LDAH: variants seen among roughly 807,000 people sequenced by gnomAD.
LDAH encodes the protein lipid droplet-associated hydrolase.
Under a neutral mutation model 29.6 loss-of-function variants are expected in LDAH, and 26 were observed. The ratio of observed to expected loss-of-function variants is 0.88; its 90% CI spans 0.64 to 1.22. LDAH has a LOEUF of 1.22. Ranked by LOEUF, LDAH falls within the 50% of genes most tolerant of loss-of-function variation. The pLI is 0.00. For missense variants in LDAH, 344 were observed against 387.3 expected (o/e 0.89, Z 0.94); for synonymous variants, 117 against 133.0 (o/e 0.88, Z 0.83).
intron 4 of LDAH, among the ~76,000 whole-genome samples, chr2:20,747,534 T>C (rs1171225264): frequency 1.3e-5 from 2 of 152,200 alleles, no homozygotes; most frequent in Non-Finnish European, 2.9e-5. Context: ...GAAGTAATCC[T>C]AGTTTAGTTT....
At chr2:20,797,447 A>G (rs976740907) in intron 2 of LDAH, among the ~76,000 whole-genome samples, 2 of 152,230 alleles carry the variant, frequency 1.3e-5, no homozygotes, top group African/African-American at 4.8e-5. Context: ...AAATCCGTCA[A>G]TGAAATGCTG....
intron 4 of LDAH, among the ~76,000 whole-genome samples, chr2:20,773,249 G>A (rs1237227189): frequency 2.6e-5 from 4 of 151,870 alleles, no homozygotes; most frequent in Admixed American, 2.6e-4. Context: ...TTACAAATGA[G>A]GAAACTGAGG....
intron 5 of LDAH, among the ~76,000 whole-genome samples, chr2:20,730,912 CT>C (rs1666355489): frequency 6.6e-6 from 1 of 152,154 alleles, no homozygotes; most frequent in Non-Finnish European, 1.5e-5. Context: ...GTATTAATCC[CT>C]TTATCAATAT....
Position 20,685,587 on chromosome 2 carries a change from G to A in LDAH, c.*1316C>T. On this transcript the variant is annotated 3_prime_UTR_variant, in exon 7 of 7. Transcript: ENST00000237822. ...AAATCAGAGCCAAATCTTTCATCAG[G>A]GGGCTTTAGGATTTGAGCGGAGGGA... The A allele has an allele frequency of 6.4e-7, 1 of 1,550,416 alleles. No individual in the cohort carries two copies.
chr2:20,694,580 C>G (rs565644007), intron 6 of LDAH, among the ~76,000 whole-genome samples: 2 of 152,326 alleles, frequency 1.3e-5, no homozygotes, highest in Admixed American at 1.3e-4. Flanking sequence ...GCTCAATTAC[C>G]ATTCTTGAGA....
rs562915144 is a variant in LDAH at position 20,715,023 on chromosome 2, C to T, written c.704-13371G>A. Among the ~76,000 whole-genome samples the T allele has an allele frequency of 3.3e-5, 5 of 152,364 alleles. No individual in the cohort carries two copies. In the South Asian group the frequency reaches 1.0e-3, roughly 32 times the overall value. ...TAGAAAAAGAGGGAATCCTCCCTAACTCATTTTATGAGGTCAACATCATCC... is the reference window on the plus strand; with the variant it reads ...TAGAAAAAGAGGGAATCCTCCCTAATTCATTTTATGAGGTCAACATCATCC... On this transcript the variant is annotated intron_variant, in intron 5 of 6. Transcript: ENST00000237822.
At chr2:20,754,500 C>CAAAAAA (rs61076745) in intron 4 of LDAH, among the ~76,000 whole-genome samples, 213 of 76,556 alleles carry the variant, frequency 2.8e-3, no homozygotes, top group African/African-American at 4.7e-3. Context: ...ACCCTCGCCA[C>CAAAAAA]AAAAAAAAAA....
chr2:20,700,294 T>C (rs150028106), intron 6 of LDAH, among the ~76,000 whole-genome samples: 69 of 152,346 alleles, frequency 4.5e-4, no homozygotes, highest in Non-Finnish European at 8.1e-4. Context: ...TCTAGCCAAC[T>C]GCTATTTCAG....
intron 3 of LDAH, among the ~76,000 whole-genome samples, chr2:20,782,479 A>G (rs988531640): frequency 6.6e-6 from 1 of 152,130 alleles, no homozygotes; most frequent in African/African-American, 2.4e-5. Flanking sequence ...AAGGATATTG[A>G]CCTATACTTT....
At chr2:20,761,656 C>T (rs1464208788) in intron 4 of LDAH, among the ~76,000 whole-genome samples, 1 of 152,080 alleles carries the variant, frequency 6.6e-6, no homozygotes, top group African/African-American at 2.4e-5. Context: ...TGACAATATA[C>T]AAAGCAAACA....
chr2:20,685,542 CTTACCAA>C lies in LDAH; in HGVS notation c.*1354_*1360del. On this transcript the variant is annotated 3_prime_UTR_variant, in exon 7 of 7. Transcript: ENST00000237822. ...CCAAAGCACAGTAACTCATTCAGCA[CTTACCAA>C]TAAGTTGGCAGCAAATCAGAGCCAA... The C allele has an allele frequency of 6.5e-7, 1 of 1,550,316 alleles. No individual in the cohort carries two copies. Among genetic ancestry groups the C allele is most frequent in the Non-Finnish European group, 8.7e-7 (1 of 1,146,902 alleles).
chr2:20,787,665 G>A (rs1433263685), intron 3 of LDAH, among the ~76,000 whole-genome samples: 1 of 152,100 alleles, frequency 6.6e-6, no homozygotes, highest in African/African-American at 2.4e-5. Context: ...GAAACTGGAA[G>A]TCCACTATTT....
chr2:20,781,608 TG>T (rs1670200676), intron 3 of LDAH, among the ~76,000 whole-genome samples: 1 of 152,290 alleles, frequency 6.6e-6, no homozygotes, highest in Non-Finnish European at 1.5e-5. Flanking sequence ...TCTAGCTGAA[TG>T]GGGGGCTGGT....
At chr2:20,785,818 G>T (rs1380480966) in intron 3 of LDAH, among the ~76,000 whole-genome samples, 1 of 151,418 alleles carries the variant, frequency 6.6e-6, no homozygotes, top group African/African-American at 2.5e-5. Flanking sequence ...TCCATCAAAG[G>T]CATTTTTCAT....
chr2:20,738,540 C>A (rs1184766648), intron 5 of LDAH, among the ~76,000 whole-genome samples: 3 of 152,022 alleles, frequency 2.0e-5, no homozygotes. Context: ...ATCCAAGAAC[C>A]CTCTCTTAGG....
At chr2:20,760,768 T>C (rs1668629232) in intron 4 of LDAH, among the ~76,000 whole-genome samples, 1 of 152,180 alleles carries the variant, frequency 6.6e-6, no homozygotes. Flanking sequence ...GGCCTTACAA[T>C]CTTAGGTATG....
intron 5 of LDAH, among the ~76,000 whole-genome samples, chr2:20,722,943 G>T (rs1370052354): frequency 2.6e-5 from 4 of 152,146 alleles, no homozygotes; most frequent in South Asian, 2.1e-4. Flanking sequence ...ATTTAGTATT[G>T]TCTTCTGAAG....
chr2:20,744,884 T>G lies in LDAH; in HGVS notation c.469-4679A>C, dbSNP rs1038721386. ...GTTTTTCTACCATGGCACTGCTTCC[T>G]GTGGGGGTTTCTGTTTGTGACTGCA... On this transcript the variant is annotated intron_variant, in intron 4 of 6. Transcript: ENST00000237822. 7.2e-5 allele frequency among the ~76,000 whole-genome samples: 11 copies of G among 152,294 alleles called. 1 individual carries two copies. Among genetic ancestry groups the G allele is most frequent in the African/African-American group, 2.6e-4 (11 of 41,576 alleles).
intron 4 of LDAH, 134 bp from the exon 5 acceptor site, chr2:20,740,339 C>A: frequency 1.5e-6 from 1 of 645,178 alleles, no homozygotes; most frequent in Non-Finnish European, 2.7e-6. Context: ...TGAGAAGAAC[C>A]ACCACTCACC....
Sources: gnomAD v4.1 joint callset for allele counts (sites outside exome capture counted in the v4.1 genomes callset) on GRCh38, gnomAD v4.1.1 for gene constraint, MANE v1.5 for transcripts, NCBI Gene and HGNC (gene_info 2026-07-23, HGNC 2026-07-21) for gene names.